The following DMGDH variants were observed in gnomAD, a reference collection of about 807,000 sequenced individuals.
DMGDH encodes the protein dimethylglycine dehydrogenase.
Under a neutral mutation model 95.2 loss-of-function variants are expected in DMGDH, and 76 were observed. That is an observed-to-expected ratio of 0.80 (90% CI 0.66 to 0.97). The LOEUF (loss-of-function observed/expected upper bound fraction) is 0.97. DMGDH is among the 50% of genes least tolerant of loss of function. DMGDH has a pLI of 0.00. For missense variants in DMGDH, 987 were observed against 1,055.0 expected (o/e 0.94, Z 0.89); for synonymous variants, 345 against 377.6 (o/e 0.91, Z 1.00).
intron 5 of DMGDH, among the ~76,000 whole-genome samples, chr5:79,046,206 C>T (rs1402044644): frequency 6.6e-6 from 1 of 152,178 alleles, no homozygotes; most frequent in African/African-American, 2.4e-5. Context: ...CCTGTCTCAG[C>T]CTCCTGAGTA....
intron 7 of DMGDH, among the ~76,000 whole-genome samples, chr5:79,036,627 T>C (rs565330892): frequency 7.9e-4 from 120 of 152,250 alleles, no homozygotes; most frequent in African/African-American, 2.8e-3. Context: ...GTAAGGTAAA[T>C]GGGCACTGGC....
At chr5:79,008,764 A>G (rs1309601603) in intron 14 of DMGDH, among the ~76,000 whole-genome samples, 1 of 152,158 alleles carries the variant, frequency 6.6e-6, no homozygotes, top group Non-Finnish European at 1.5e-5. Context: ...AACTTTCTCT[A>G]GAAAAAAAAA....
chr5:79,039,271 T>G (rs1403887980), intron 7 of DMGDH, among the ~76,000 whole-genome samples: 2 of 152,164 alleles, frequency 1.3e-5, no homozygotes, highest in Non-Finnish European at 2.9e-5. Flanking sequence ...ATGTTTATTG[T>G]GGCACTATTC....
chr5:79,055,937 GA>G (rs767845611), intron 2 of DMGDH, 29 bp from the exon 3 acceptor site: 23 of 1,408,664 alleles, frequency 1.6e-5, no homozygotes, highest in Non-Finnish European at 1.8e-5. Context: ...AAGAAATACT[GA>G]AAAAAAATTA....
At chr5:79,056,733 C>A (rs946895681) in intron 2 of DMGDH, among the ~76,000 whole-genome samples, 14 of 150,774 alleles carry the variant, frequency 9.3e-5, no homozygotes, top group Admixed American at 9.3e-4. Flanking sequence ...TGCAAGCCTG[C>A]AGTCCCAGCT....
chr5:78,999,123 A>T (rs1753409063), intron 15 of DMGDH, among the ~76,000 whole-genome samples: 1 of 152,196 alleles, frequency 6.6e-6, no homozygotes, highest in Non-Finnish European at 1.5e-5. Flanking sequence ...GGAGCTCAAG[A>T]CATTCATGGA....
At chr5:79,001,442 T>C (rs1220186442) in intron 15 of DMGDH, among the ~76,000 whole-genome samples, 1 of 152,194 alleles carries the variant, frequency 6.6e-6, no homozygotes, top group Non-Finnish European at 1.5e-5. Flanking sequence ...GGATTACAGG[T>C]ATGAGCTAGC....
intron 15 of DMGDH, among the ~76,000 whole-genome samples, chr5:79,001,809 C>T (rs898734521): frequency 4.7e-4 from 72 of 152,226 alleles, no homozygotes; most frequent in African/African-American, 1.5e-3. Flanking sequence ...TTGAATTTCT[C>T]TCTAATCCAG....
chr5:78,999,835 G>C (rs1753423602), intron 15 of DMGDH, among the ~76,000 whole-genome samples: 1 of 151,784 alleles, frequency 6.6e-6, no homozygotes, highest in Non-Finnish European at 1.5e-5. Context: ...GCAGGGATTA[G>C]GGTCAGAGAG....
chr5:79,031,114 G>A (rs959306423), intron 9 of DMGDH, 116 bp from the exon 10 acceptor site: 2 of 554,116 alleles, frequency 3.6e-6, no homozygotes, highest in Non-Finnish European at 5.3e-6. Flanking sequence ...AGCGGGGAGT[G>A]GGACTATGGG....
intron 14 of DMGDH, among the ~76,000 whole-genome samples, chr5:79,016,692 A>T (rs1753740362): frequency 6.6e-6 from 1 of 152,232 alleles, no homozygotes; most frequent in South Asian, 2.1e-4. Context: ...TTTGGTACAC[A>T]TTGACAAGCT....
chr5:79,061,220 A>AACACAC (rs34931005), intron 2 of DMGDH, among the ~76,000 whole-genome samples: 6,058 of 141,472 alleles, frequency 0.043, 141 homozygotes, highest in Middle Eastern at 0.054. Context: ...CTCTGTCTCA[A>AACACAC]ACACACACAC....
intron 15 of DMGDH, among the ~76,000 whole-genome samples, chr5:79,002,811 A>G (rs1753475530): frequency 6.6e-6 from 1 of 152,236 alleles, no homozygotes. Context: ...CTGAAAAAGG[A>G]TCAAAAAGAA....
chr5:79,043,169 GACT>G (rs1754562985), intron 6 of DMGDH, among the ~76,000 whole-genome samples: 1 of 152,186 alleles, frequency 6.6e-6, no homozygotes, highest in Admixed American at 6.5e-5. Flanking sequence ...CCTTCCTGGG[GACT>G]ACAGGTAGGG....
intron 5 of DMGDH, among the ~76,000 whole-genome samples, chr5:79,044,843 T>G (rs1016307668): frequency 6.6e-6 from 1 of 152,066 alleles, no homozygotes; most frequent in Non-Finnish European, 1.5e-5. Flanking sequence ...ACAAAAAAAT[T>G]TATTTGAAAG....
At position 79,063,710 on chromosome 5, in the gene DMGDH, A is replaced by G. The variant is rs1465139580; in HGVS notation, c.179T>C (p.Val60Ala). ...CAGGTGATAAGCCAGACTCACACCAACACAGCCACCTCCAATTATCACTGT... is the reference window on the plus strand; with the variant it reads ...CAGGTGATAAGCCAGACTCACACCAGCACAGCCACCTCCAATTATCACTGT... ...AETVIIGGGC[V>A]GVSLAYHLAK... Residue 60 changes from valine (V) to alanine (A), a missense_variant, in exon 2 of 16, where the codon GTT (valine) becomes GCT (alanine). By Grantham distance (64) the Val-to-Ala change is moderately conservative. Coordinates refer to ENST00000255189, the MANE Select transcript of DMGDH (RefSeq NM_013391.3). The G allele has an allele frequency of 1.2e-6, 2 of 1,614,178 alleles. No homozygotes were observed. Among genetic ancestry groups the G allele is most frequent in the Non-Finnish European group, 1.7e-6 (2 of 1,180,024 alleles).
At chr5:79,055,724 C>T (rs1383896807) in intron 3 of DMGDH, 86 bp downstream of exon 3, 1 of 876,576 alleles carries the variant, frequency 1.1e-6, no homozygotes, top group East Asian at 2.6e-5. Flanking sequence ...CACGGTCATA[C>T]ACAATGATGC....
chr5:79,037,337 C>T (rs1364115334), intron 7 of DMGDH, among the ~76,000 whole-genome samples: 1 of 152,110 alleles, frequency 6.6e-6, no homozygotes. Context: ...TTAACGTGCT[C>T]CTCAGATGAT....
rs200306893 is a variant in DMGDH at position 79,033,192 on chromosome 5, T to C, written c.1363+47A>G. ...CCATCTAAAGTCAGAGATGCTACAA[T>C]TCAATTCCGTCAACACTTTGTAGAC... On this transcript the variant is annotated intron_variant, in intron 8 of 15. Transcript: ENST00000255189. 1.5e-4 allele frequency: 236 copies of C among 1,611,144 alleles called. No individual in the cohort carries two copies. The Middle Eastern group carries it at 2.1e-3, about 15-fold the overall frequency.
Sources: allele counts gnomAD v4.1 joint callset (sites outside exome capture counted in the v4.1 genomes callset), GRCh38; gene constraint gnomAD v4.1.1; transcripts MANE v1.5; gene names NCBI Gene and HGNC (gene_info 2026-07-23, HGNC 2026-07-21).